The following ARHGAP24 variants were observed in gnomAD, a reference collection of about 807,000 sequenced individuals.
The protein encoded by ARHGAP24 is rho GTPase-activating protein 24.
Under a neutral mutation model 76.4 loss-of-function variants are expected in ARHGAP24, and 50 were observed. That is an observed-to-expected ratio of 0.65 (90% CI 0.52 to 0.83). The LOEUF (loss-of-function observed/expected upper bound fraction) is 0.83. Ranked by LOEUF, ARHGAP24 falls within the 40% of genes least tolerant of loss-of-function variation. The pLI, the probability that ARHGAP24 is intolerant of heterozygous loss-of-function variation, is 0.00. For synonymous variants in ARHGAP24, 345 were observed against 323.3 expected, an observed-to-expected ratio of 1.07 and a Z score of -0.72; for missense variants, 930 against 914.2, an observed-to-expected ratio of 1.02 and a Z score of -0.22.
At chr4:85,760,886 C>G (rs1343825665) in intron 3 of ARHGAP24, among the ~76,000 whole-genome samples, 1 of 152,174 alleles carries the variant, frequency 6.6e-6, no homozygotes, top group Non-Finnish European at 1.5e-5. Context: ...CCAATCTTGA[C>G]AGATGCACAT....
chr4:85,579,630 C>T (rs1480786265), intron 2 of ARHGAP24, among the ~76,000 whole-genome samples: 1 of 151,460 alleles, frequency 6.6e-6, no homozygotes, highest in Non-Finnish European at 1.5e-5. Flanking sequence ...CAATTATAAA[C>T]TATGAAATTA....
At chr4:85,635,033 C>T (rs891073558) in intron 2 of ARHGAP24, among the ~76,000 whole-genome samples, 1 of 151,822 alleles carries the variant, frequency 6.6e-6, no homozygotes, top group African/African-American at 2.4e-5. Context: ...TTCAAATCAC[C>T]ATTGACTGTC....
chr4:85,794,209 G>A (rs7687940), intron 3 of ARHGAP24, among the ~76,000 whole-genome samples: 127,930 of 152,164 alleles, frequency 0.84, 53,875 homozygotes, highest in Middle Eastern at 0.88. Context: ...GTTTCCAACA[G>A]CCGAATGGGG....
intron 5 of ARHGAP24, among the ~76,000 whole-genome samples, chr4:85,966,588 A>T (rs1662157684): frequency 6.6e-6 from 1 of 152,166 alleles, no homozygotes; most frequent in Admixed American, 6.5e-5. Context: ...GAGATGCTGA[A>T]TTTAGTCTGG....
chr4:85,922,353 C>A (rs1312692786), intron 3 of ARHGAP24, among the ~76,000 whole-genome samples: 1 of 152,152 alleles, frequency 6.6e-6, no homozygotes, highest in Non-Finnish European at 1.5e-5. Context: ...TATGTGTGGA[C>A]CAGATTGAGT....
chr4:85,932,318 T>C (rs1490363136), intron 4 of ARHGAP24, among the ~76,000 whole-genome samples: 4 of 152,332 alleles, frequency 2.6e-5, no homozygotes, highest in Non-Finnish European at 4.4e-5. Context: ...TTTCCCCTTC[T>C]AGTTCCCCAG....
intron 3 of ARHGAP24, among the ~76,000 whole-genome samples, chr4:85,785,921 T>C (rs1391554640): frequency 6.6e-6 from 1 of 152,104 alleles, no homozygotes; most frequent in Non-Finnish European, 1.5e-5. Context: ...TTATACCCAG[T>C]ATGGGTTTTT....
At chr4:85,956,761 A>T (rs771155601) in intron 5 of ARHGAP24, among the ~76,000 whole-genome samples, 1 of 152,178 alleles carries the variant, frequency 6.6e-6, no homozygotes, top group African/African-American at 2.4e-5. Context: ...AGCACAGCCG[A>T]CACCCAGCCA....
chr4:85,770,619 T>C (rs890519961), intron 3 of ARHGAP24, among the ~76,000 whole-genome samples: 1 of 152,216 alleles, frequency 6.6e-6, no homozygotes, highest in East Asian at 1.9e-4. Context: ...ATAGTTGAAT[T>C]TCACATCTGA....
chr4:85,714,377 T>C (rs550771453), intron 2 of ARHGAP24, among the ~76,000 whole-genome samples: 83 of 152,252 alleles, frequency 5.5e-4, no homozygotes, highest in Non-Finnish European at 1.0e-3. Flanking sequence ...TAATATTAAA[T>C]AATATAATGA....
rs1007199761 is a variant in ARHGAP24, at chr4:85,977,656, G to A, written c.893G>A (p.Arg298His). The A allele has an allele frequency of 1.6e-5, 26 of 1,613,694 alleles. No individual in the cohort carries two copies. The highest frequency in any genetic ancestry group is 4.5e-5 in the East Asian group (2 of 44,864). Residue 298 changes from arginine (R) to histidine (H), a missense_variant, in exon 8 of 10, where the codon CGC becomes CAC. Transcript: ENST00000395184. ...ACGGTCTTTGGTCCTAATATCCTGC[G>A]CCCCAAAGTGGAAGATCCTTTGACT... Reference protein sequence around the residue: ...LATVFGPNILRPKVEDPLTIM... With the variant: ...LATVFGPNILHPKVEDPLTIM...
chr4:85,912,416 A>G (rs184217416), intron 3 of ARHGAP24, among the ~76,000 whole-genome samples: 242 of 152,344 alleles, frequency 1.6e-3, no homozygotes, highest in Non-Finnish European at 2.9e-3. Flanking sequence ...TGGACGGTTA[A>G]GCTGTTGTGA....
rs976585780 is a variant in ARHGAP24 at position 86,001,403 on chromosome 4, A to G, written c.*681A>G. On this transcript the variant is annotated 3_prime_UTR_variant, in exon 10 of 10. Transcript: ENST00000395184. The stretch of plus-strand genomic sequence containing the variant: ...TTTGACATAGGAACTTTGAGACTCC[A>G]TGAGAAAGTCCCTTTCTGAGGCCCA... 2.8e-5 allele frequency: 11 copies of G among 398,898 alleles called. No homozygotes were observed. The highest frequency in any genetic ancestry group is 6.2e-4 in the Middle Eastern group (1 of 1,610). 24.7% of individuals were successfully genotyped at this position (398,898 alleles called of 1,614,324 possible).
intron 8 of ARHGAP24, chr4:85,991,846 T>C: frequency 3.5e-6 from 1 of 284,730 alleles, no homozygotes; most frequent in East Asian, 5.6e-5. Context: ...TACAAAGTTA[T>C]TCATTGCAAA....
chr4:85,547,817 A>G (rs1725977278), intron 1 of ARHGAP24, among the ~76,000 whole-genome samples: 1 of 152,178 alleles, frequency 6.6e-6, no homozygotes, highest in Non-Finnish European at 1.5e-5. Context: ...ATAATAATTA[A>G]TTTGTAAGAA....
At chr4:85,773,364 T>C (rs1727198859) in intron 3 of ARHGAP24, among the ~76,000 whole-genome samples, 1 of 152,220 alleles carries the variant, frequency 6.6e-6, no homozygotes, top group East Asian at 1.9e-4. Flanking sequence ...TTCCTGAGCC[T>C]GGCTTTTGCC....
intron 3 of ARHGAP24, chr4:85,722,378 C>CAA (rs1200528162): frequency 1.8e-4 from 25 of 141,446 alleles, no homozygotes; most frequent in African/African-American, 6.5e-4. Context: ...GGAGGTTTTG[C>CAA]AAAAAACAAA....
At chr4:85,591,444 A>C (rs1482464411) in intron 2 of ARHGAP24, among the ~76,000 whole-genome samples, 1 of 152,150 alleles carries the variant, frequency 6.6e-6, no homozygotes, top group Non-Finnish European at 1.5e-5. Flanking sequence ...AGAAACACAC[A>C]TTTCCATCAC....
At chr4:85,531,853 C>T (rs1007687927) in intron 1 of ARHGAP24, among the ~76,000 whole-genome samples, 1 of 152,014 alleles carries the variant, frequency 6.6e-6, no homozygotes, top group African/African-American at 2.4e-5. Flanking sequence ...CAAAGTCCAT[C>T]GTCTCTCCAC....
Sources: gnomAD v4.1 joint callset for allele counts (sites outside exome capture counted in the v4.1 genomes callset) on GRCh38, gnomAD v4.1.1 for gene constraint, MANE v1.5 for transcripts, NCBI Gene and HGNC (gene_info 2026-07-23, HGNC 2026-07-21) for gene names.